ANO2: variants seen among roughly 807,000 people sequenced by gnomAD.
The protein encoded by ANO2 is anoctamin 2.
Under a neutral mutation model 124.2 loss-of-function variants are expected in ANO2, and 101 were observed. That is an observed-to-expected ratio of 0.81 (90% CI 0.69 to 0.96). The LOEUF (loss-of-function observed/expected upper bound fraction) is 0.96, where lower values mean the gene tolerates loss of function less well. Ranked by LOEUF, ANO2 falls within the 40% of genes least tolerant of loss-of-function variation. The pLI, the probability that ANO2 is intolerant of heterozygous loss-of-function variation, is 0.00. For synonymous variants in ANO2, 486 were observed against 482.5 expected (o/e 1.01, Z -0.09); for missense variants, 1,293 against 1,274.5 (o/e 1.01, Z -0.22).
chr12:5,886,231 C>T (rs114281311), intron 3 of ANO2, among the ~76,000 whole-genome samples: 398 of 152,210 alleles, frequency 2.6e-3, no homozygotes, highest in Admixed American at 5.0e-3. Context: ...TGGAAGCAAG[C>T]GTCTGTAAAT....
intron 10 of ANO2, among the ~76,000 whole-genome samples, chr12:5,764,937 T>C (rs1951840822): frequency 6.6e-6 from 1 of 152,210 alleles, no homozygotes; most frequent in Non-Finnish European, 1.5e-5. Flanking sequence ...TTTACAGAGA[T>C]ACAATGCCTC....
chr12:5,730,071 C>T (rs1241445062), intron 14 of ANO2, among the ~76,000 whole-genome samples: 1 of 151,702 alleles, frequency 6.6e-6, no homozygotes, highest in Admixed American at 6.6e-5. Flanking sequence ...TAATTGCACA[C>T]ATCTGTGAAT....
intron 14 of ANO2, among the ~76,000 whole-genome samples, chr12:5,660,221 T>C (rs1037683590): frequency 2.0e-5 from 3 of 152,020 alleles, no homozygotes; most frequent in African/African-American, 7.3e-5. Flanking sequence ...CATCCTGAGA[T>C]ATGAATCCTT....
At chr12:5,767,456 A>G (rs1951931740) in intron 10 of ANO2, among the ~76,000 whole-genome samples, 4 of 152,200 alleles carry the variant, frequency 2.6e-5, no homozygotes, top group Admixed American at 2.6e-4. Context: ...CCAAGATACT[A>G]TAAATGGACT....
At chr12:5,914,394 A>C (rs1316334493) in intron 3 of ANO2, among the ~76,000 whole-genome samples, 1 of 152,114 alleles carries the variant, frequency 6.6e-6, no homozygotes, top group Admixed American at 6.5e-5. Context: ...CAGGGGTCAG[A>C]GACATCTCAT....
At chr12:5,700,376 T>C (rs1199091161) in intron 14 of ANO2, among the ~76,000 whole-genome samples, 1 of 152,200 alleles carries the variant, frequency 6.6e-6, no homozygotes, top group Non-Finnish European at 1.5e-5. Flanking sequence ...GAAATAAAGA[T>C]GTTCTTTGAA....
intron 23 of ANO2, among the ~76,000 whole-genome samples, chr12:5,569,328 AACTGGTCAG>A (rs1271333432): frequency 2.0e-5 from 3 of 148,738 alleles, no homozygotes; most frequent in Non-Finnish European, 4.5e-5. Context: ...GAGCCCCCAC[AACTGGTCAG>A]ACTCCTGCAG....
intron 14 of ANO2, among the ~76,000 whole-genome samples, chr12:5,661,861 A>T (rs1279013870): frequency 6.6e-6 from 1 of 152,078 alleles, no homozygotes; most frequent in Non-Finnish European, 1.5e-5. Context: ...CAGGGCCTGT[A>T]TTCCTGTGGC....
chr12:5,921,370 G>C lies in ANO2; in HGVS notation c.208-4C>G. 6.2e-7 allele frequency: 1 copy of C among 1,611,730 alleles called. No homozygotes were observed. Among genetic ancestry groups the C allele is most frequent in the Non-Finnish European group, 8.5e-7 (1 of 1,178,374 alleles). On this transcript the variant is annotated splice_polypyrimidine_tract_variant and splice_region_variant and intron_variant, in intron 2 of 24. Coordinates refer to ENST00000682330, the MANE Select transcript of ANO2 (RefSeq NM_001364791.2). Reference sequence around the variant, plus strand: ...CATCCAGATAGTTGTTGATGACCTGGCCAGAGAGAGAGGAGAGGCAGGGCA... The same window carrying C: ...CATCCAGATAGTTGTTGATGACCTGCCCAGAGAGAGAGGAGAGGCAGGGCA...
rs994326159 is a variant in ANO2 at position 5,787,819 on chromosome 12, T to C, written c.1055+11688A>G. On this transcript the variant is annotated intron_variant, in intron 10 of 24. Transcript: ENST00000682330. This position sits in a 1 kb window ranked among gnomAD's most constrained non-coding sequence, Gnocchi z 4.2. ...TTCTGTCCTCCTCTCTAGTCATCTCTGTCACACTTCCGGTTAACTATGCAC... is the reference window on the plus strand; with the variant it reads ...TTCTGTCCTCCTCTCTAGTCATCTCCGTCACACTTCCGGTTAACTATGCAC... Among the ~76,000 whole-genome samples, 2 of 152,214 alleles carry C rather than the reference T, an allele frequency of 1.3e-5. No homozygotes were observed. The highest frequency in any genetic ancestry group is 6.5e-5 in the Admixed American group (1 of 15,288).
At chr12:5,815,876 G>C (rs1308330237) in intron 7 of ANO2, among the ~76,000 whole-genome samples, 1 of 152,014 alleles carries the variant, frequency 6.6e-6, no homozygotes, top group Non-Finnish European at 1.5e-5. Flanking sequence ...TTGTATATAG[G>C]TTAAAGCTTT....
At chr12:5,672,247 G>A (rs564857337) in intron 14 of ANO2, among the ~76,000 whole-genome samples, 36 of 152,180 alleles carry the variant, frequency 2.4e-4, no homozygotes, top group African/African-American at 8.7e-4. Context: ...TCCAATCCAG[G>A]AAATGTAAAA....
At chr12:5,646,022 A>G (rs1211247998) in intron 15 of ANO2, among the ~76,000 whole-genome samples, 1 of 152,214 alleles carries the variant, frequency 6.6e-6, no homozygotes, top group Non-Finnish European at 1.5e-5. Flanking sequence ...CTGCAGTCTC[A>G]TAAGTGGGAA....
intron 20 of ANO2, among the ~76,000 whole-genome samples, chr12:5,580,263 T>A (rs1291454565): frequency 6.6e-6 from 1 of 152,246 alleles, no homozygotes; most frequent in Non-Finnish European, 1.5e-5. Context: ...GTACATACAA[T>A]GTACAATATG....
chr12:5,571,717 C>G (rs1942133711), intron 23 of ANO2, among the ~76,000 whole-genome samples: 1 of 152,158 alleles, frequency 6.6e-6, no homozygotes, highest in Non-Finnish European at 1.5e-5. Flanking sequence ...CTCTCTCTCT[C>G]TCTTCCATGT....
chr12:5,854,468 A>G (rs1019412653), intron 3 of ANO2, among the ~76,000 whole-genome samples: 1 of 150,814 alleles, frequency 6.6e-6, no homozygotes, highest in African/African-American at 2.4e-5. Context: ...AGCAATCATG[A>G]TTTTCACGGA....
At chr12:5,710,788 C>T (rs2058468) in intron 14 of ANO2, among the ~76,000 whole-genome samples, 130,525 of 152,102 alleles carry the variant, frequency 0.86, 56,330 homozygotes, top group East Asian at 0.95. Flanking sequence ...AGTCATGTTC[C>T]TATCAATTCT....
chr12:5,636,502 C>T lies in ANO2; in HGVS notation c.1621-1155G>A, dbSNP rs533620534. On this transcript the variant is annotated intron_variant, in intron 15 of 24. Coordinates refer to ENST00000682330, the MANE Select transcript of ANO2 (RefSeq NM_001364791.2). This position sits in a 1 kb window ranked among gnomAD's most constrained non-coding sequence, Gnocchi z 4.6. ...GAAGCTGTTCAGGTCCTATTTCCTCCGCAGGACAGAGAATGGGCACTGGCT... is the reference window on the plus strand; with the variant it reads ...GAAGCTGTTCAGGTCCTATTTCCTCTGCAGGACAGAGAATGGGCACTGGCT... Among the ~76,000 whole-genome samples, 9 of 152,074 alleles carry T rather than the reference C, an allele frequency of 5.9e-5. No homozygotes were observed. In the East Asian group the frequency reaches 7.8e-4, roughly 13 times the overall value.
chr12:5,918,674 C>T (rs1409844171), intron 3 of ANO2, among the ~76,000 whole-genome samples: 1 of 152,048 alleles, frequency 6.6e-6, no homozygotes, highest in Admixed American at 6.5e-5. Flanking sequence ...CTCTTGACCT[C>T]ATAATCCTCC....
Sources: gnomAD v4.1 joint callset for allele counts (sites outside exome capture counted in the v4.1 genomes callset) on GRCh38, gnomAD v4.1.1 for gene constraint, Gnocchi (gnomAD v3.1) non-coding constraint, MANE v1.5 for transcripts, NCBI Gene and HGNC (gene_info 2026-07-23, HGNC 2026-07-21) for gene names.